The following TMEM67 variants were observed in gnomAD, a reference collection of about 807,000 sequenced individuals.
TMEM67 encodes the protein transmembrane protein 67.
A neutral mutation model predicts 136.6 loss-of-function variants in TMEM67; 124 were observed. The observed-to-expected ratio is 0.91, with a 90% CI of 0.78 to 1.05. The LOEUF (loss-of-function observed/expected upper bound fraction) is 1.05, where lower values mean the gene tolerates loss of function less well. TMEM67 is among the 50% of genes least tolerant of loss of function. TMEM67 has a pLI of 0.00. For synonymous variants in TMEM67, 364 were observed against 390.5 expected (o/e 0.93, Z 0.80); for missense variants, 1,107 against 1,178.4 (o/e 0.94, Z 0.89).
At chr8:93,823,330 G>A (rs1809066349), downstream of TMEM67, among the ~76,000 whole-genome samples, 1 of 152,036 alleles carries the variant, frequency 6.6e-6, no homozygotes, top group Non-Finnish European at 1.5e-5. Context: ...AAGATCCTTA[G>A]CTTAATCACA....
At chr8:93,772,078 T>C (rs1813352945) in intron 6 of TMEM67, among the ~76,000 whole-genome samples, 1 of 152,256 alleles carries the variant, frequency 6.6e-6, no homozygotes, top group South Asian at 2.1e-4. Context: ...TGGTCTCATC[T>C]GGAGATACTG....
At chr8:93,812,986 T>G (rs948499645) in intron 26 of TMEM67, among the ~76,000 whole-genome samples, 4 of 152,150 alleles carry the variant, frequency 2.6e-5, no homozygotes, top group African/African-American at 9.7e-5. Flanking sequence ...TCCACCCGCC[T>G]CAGCCTCCCA....
At chr8:93,764,984 T>C (rs904509148) in intron 4 of TMEM67, among the ~76,000 whole-genome samples, 1 of 152,258 alleles carries the variant, frequency 6.6e-6, no homozygotes, top group Non-Finnish European at 1.5e-5. Flanking sequence ...GTAGGTTTGA[T>C]AGGAGCTAGA....
chr8:93,826,123 CTTTTTTTTTTT>C, the TMEM67 span, among the ~76,000 whole-genome samples: 2 of 52,380 alleles, frequency 3.8e-5, no homozygotes, highest in East Asian at 7.5e-4. Context: ...TTAATCATGT[CTTTTTTTTTTT>C]TTTTTTTTTT....
chr8:93,795,580 A>AT, intron 17 of TMEM67, 73 bp downstream of exon 17: 1 of 1,323,370 alleles, frequency 7.6e-7, no homozygotes. Flanking sequence ...TAAAGGAACT[A>AT]TTTTTATTTG....
chr8:93,819,936 C>A (rs1309539456), downstream of TMEM67, among the ~76,000 whole-genome samples: 1 of 152,170 alleles, frequency 6.6e-6, no homozygotes, highest in East Asian at 1.9e-4. Flanking sequence ...AAACTATAGA[C>A]CTGAGCCACA....
At chr8:93,800,706 A>C (rs1814834727) in intron 21 of TMEM67, among the ~76,000 whole-genome samples, 1 of 152,150 alleles carries the variant, frequency 6.6e-6, no homozygotes, top group Non-Finnish European at 1.5e-5. Context: ...CTGATTTCAG[A>C]GTTCACGTTC....
intron 6 of TMEM67, among the ~76,000 whole-genome samples, chr8:93,770,030 G>T (rs1409491870): frequency 6.6e-6 from 1 of 152,156 alleles, no homozygotes; most frequent in African/African-American, 2.4e-5. Flanking sequence ...ATGAGTTAGT[G>T]TCTCCCCATT....
chr8:93,805,559 C>T (rs888131888), intron 23 of TMEM67, among the ~76,000 whole-genome samples: 9 of 143,406 alleles, frequency 6.3e-5, no homozygotes, highest in East Asian at 2.0e-4. Flanking sequence ...CCAGCTTGGG[C>T]GACAGAGCGA....
In TMEM67 at chr8:93,816,337, A is replaced by T. The variant is rs188660097; in HGVS notation, c.2908-35A>T. ...GACGTGCATATTTAATTCTGTTTAT[A>T]TTTCTTTTCATTCTGAATTGTTTTA... On this transcript the variant is annotated intron_variant, in intron 27 of 27. Transcript: ENST00000453321. 2.3e-4 allele frequency: 244 copies of T among 1,056,266 alleles called. No homozygotes were observed. The African/African-American group carries it at 3.6e-3, about 15-fold the overall frequency. 65.4% of individuals were successfully genotyped at this position (1,056,266 alleles called of 1,614,324 possible).
chr8:93,808,518 T>TATAGA (rs1808550635), intron 23 of TMEM67, among the ~76,000 whole-genome samples: 1 of 140,016 alleles, frequency 7.1e-6, no homozygotes, highest in African/African-American at 2.6e-5. Flanking sequence ...ATATATATAT[T>TATAGA]TATAATCTAT....
the TMEM67 span, among the ~76,000 whole-genome samples, chr8:93,827,655 C>T: frequency 6.6e-6 from 1 of 150,994 alleles, no homozygotes; most frequent in African/African-American, 2.4e-5. Context: ...ATGAGGATCC[C>T]ACTGTGTGGC....
At chr8:93,808,487 TA>T (rs1353891880) in intron 23 of TMEM67, among the ~76,000 whole-genome samples, 3 of 146,324 alleles carry the variant, frequency 2.1e-5, no homozygotes, top group African/African-American at 7.4e-5. Context: ...TATTTATCTA[TA>T]ATAGATCTAT....
chr8:93,779,763 G>A lies in TMEM67; in HGVS notation c.715-830G>A, dbSNP rs538062685. On this transcript the variant is annotated intron_variant, in intron 7 of 27. Transcript: ENST00000453321. ...TCTGGAAGCTTCGTCCCAGAGGGGC[G>A]CCCACCTGTATGAGGTGTCTGTCGG... Among the ~76,000 whole-genome samples, 9 of 152,164 alleles carry A rather than the reference G, an allele frequency of 5.9e-5. No homozygotes were observed. The South Asian group carries it at 1.5e-3, about 25-fold the overall frequency.
At chr8:93,805,556 G>T (rs1815105925) in intron 23 of TMEM67, among the ~76,000 whole-genome samples, 1 of 151,090 alleles carries the variant, frequency 6.6e-6, no homozygotes, top group African/African-American at 2.4e-5. Flanking sequence ...ACTCCAGCTT[G>T]GGCGACAGAG....
At chr8:93,793,926 T>C (rs1814497370) in intron 16 of TMEM67, among the ~76,000 whole-genome samples, 1 of 152,212 alleles carries the variant, frequency 6.6e-6, no homozygotes, top group African/African-American at 2.4e-5. Context: ...AGTCTCACTC[T>C]GTCGCTGAGG....
intron 7 of TMEM67, among the ~76,000 whole-genome samples, chr8:93,775,111 T>G (rs544340640): frequency 6.6e-6 from 1 of 152,262 alleles, no homozygotes; most frequent in Admixed American, 6.5e-5. Flanking sequence ...TGACCAGTGA[T>G]GACGAGCATT....
chr8:93,812,287 G>T (rs957426228), intron 26 of TMEM67, among the ~76,000 whole-genome samples: 2 of 152,160 alleles, frequency 1.3e-5, no homozygotes, highest in African/African-American at 4.8e-5. Context: ...GAGTTGAATA[G>T]ATGGAAAATT....
intron 21 of TMEM67, among the ~76,000 whole-genome samples, chr8:93,800,201 G>A (rs539005732): frequency 6.6e-6 from 1 of 152,098 alleles, no homozygotes; most frequent in East Asian, 1.9e-4. Flanking sequence ...ATGAGCCATC[G>A]CACCCAGCCA....
Sources: gnomAD v4.1 joint callset for allele counts (sites outside exome capture counted in the v4.1 genomes callset) on GRCh38, gnomAD v4.1.1 for gene constraint, MANE v1.5 for transcripts, NCBI Gene and HGNC (gene_info 2026-07-23, HGNC 2026-07-21) for gene names.